Variants in DLG2 observed in about 807,000 individuals in gnomAD.
DLG2 encodes discs large MAGUK scaffold protein 2.
A neutral mutation model predicts 132.5 loss-of-function variants in DLG2; 45 were observed. The ratio of observed to expected loss-of-function variants is 0.34; its 90% CI spans 0.27 to 0.44. DLG2 has a LOEUF of 0.44. Among genes scored for constraint, DLG2 ranks in the 20% least tolerant of loss-of-function variants. The pLI is 1.00. For missense variants in DLG2, 1,045 were observed against 1,196.9 expected (o/e 0.87, Z 1.87); for synonymous variants, 424 against 419.6 (o/e 1.01, Z -0.13).
At chr11:85,272,566 T>G (rs1383311431) in intron 4 of DLG2, among the ~76,000 whole-genome samples, 1 of 152,128 alleles carries the variant, frequency 6.6e-6, no homozygotes, top group African/African-American at 2.4e-5. Context: ...ACAGTCTGCT[T>G]TACTTAGAGC....
chr11:83,680,167 G>A (rs564156597), intron 18 of DLG2, among the ~76,000 whole-genome samples: 2 of 152,142 alleles, frequency 1.3e-5, no homozygotes, highest in South Asian at 4.2e-4. Flanking sequence ...GGAGAAAATA[G>A]AAAAACCACC....
chr11:84,398,693 C>G (rs1017194303), intron 7 of DLG2, among the ~76,000 whole-genome samples: 2 of 152,146 alleles, frequency 1.3e-5, no homozygotes, highest in African/African-American at 2.4e-5. Context: ...ATAAACCACA[C>G]ACTCCAGTGT....
chr11:84,238,151 G>C (rs886766366), intron 8 of DLG2, among the ~76,000 whole-genome samples: 7 of 151,644 alleles, frequency 4.6e-5, no homozygotes, highest in African/African-American at 1.7e-4. Context: ...TGATTTCACA[G>C]AGAAAAATAC....
chr11:85,129,594 G>C (rs184719703), intron 5 of DLG2, among the ~76,000 whole-genome samples: 1 of 152,144 alleles, frequency 6.6e-6, no homozygotes, highest in Non-Finnish European at 1.5e-5. Flanking sequence ...AAATAGGAAC[G>C]CTTTTACACT....
chr11:84,200,285 C>A (rs762059866), intron 8 of DLG2, among the ~76,000 whole-genome samples: 10 of 152,018 alleles, frequency 6.6e-5, no homozygotes, highest in Non-Finnish European at 1.2e-4. Flanking sequence ...CCAAATAAAA[C>A]ACTGAAGAAA....
At chr11:83,704,596 C>T (rs1488950744) in intron 18 of DLG2, among the ~76,000 whole-genome samples, 5 of 149,080 alleles carry the variant, frequency 3.4e-5, no homozygotes, top group Non-Finnish European at 7.4e-5. Flanking sequence ...GCAGGTGGAT[C>T]ACCTGAGGTC....
At chr11:83,758,910 T>C (rs987105452) in intron 18 of DLG2, among the ~76,000 whole-genome samples, 1 of 152,148 alleles carries the variant, frequency 6.6e-6, no homozygotes, top group Non-Finnish European at 1.5e-5. Flanking sequence ...TGCTGAACTT[T>C]TGATGAAGCA....
intron 6 of DLG2, among the ~76,000 whole-genome samples, chr11:84,975,411 A>G (rs554768969): frequency 3.9e-5 from 6 of 152,170 alleles, no homozygotes; most frequent in Non-Finnish European, 7.3e-5. Flanking sequence ...TAGCCGATAC[A>G]TATCTTTTGC....
intron 19 of DLG2, among the ~76,000 whole-genome samples, chr11:83,582,411 T>C (rs2508720): frequency 0.5 from 75,805 of 152,032 alleles, 19,897 homozygotes; most frequent in African/African-American, 0.65. Context: ...AAAAAGACAC[T>C]TTTCACCTCA....
chr11:84,484,933 T>C (rs1603066752), intron 7 of DLG2, among the ~76,000 whole-genome samples: 1 of 152,172 alleles, frequency 6.6e-6, no homozygotes, highest in Non-Finnish European at 1.5e-5. Context: ...TCTAACACTT[T>C]ATTGTACATC....
intron 7 of DLG2, among the ~76,000 whole-genome samples, chr11:84,428,854 T>C (rs961070559): frequency 2.6e-5 from 4 of 152,182 alleles, no homozygotes; most frequent in Admixed American, 1.3e-4. Context: ...TATAAGCTTG[T>C]AATGATATGG....
At chr11:83,534,872 G>A (rs1056024489) in intron 20 of DLG2, among the ~76,000 whole-genome samples, 1 of 152,258 alleles carries the variant, frequency 6.6e-6, no homozygotes, top group African/African-American at 2.4e-5. Context: ...GAACCCGGGA[G>A]GTGGAGGTTG....
chr11:84,896,600 A>G (rs4497430), intron 6 of DLG2, among the ~76,000 whole-genome samples: 14,687 of 152,054 alleles, frequency 0.097, 932 homozygotes, highest in African/African-American at 0.18. Context: ...ATAAAAATGT[A>G]TGATGCATAT....
intron 11 of DLG2, among the ~76,000 whole-genome samples, chr11:84,029,849 T>C (rs1449979884): frequency 6.6e-6 from 1 of 152,184 alleles, no homozygotes; most frequent in Non-Finnish European, 1.5e-5. Context: ...GGAAACAACA[T>C]ACTTAAGGAA....
chr11:84,370,022 C>T lies in DLG2; in HGVS notation c.520-118731G>A, dbSNP rs140434324. 3.3e-3 allele frequency among the ~76,000 whole-genome samples: 509 copies of T among 152,142 alleles called. 3 individuals carry two copies. Among genetic ancestry groups the T allele is most frequent in the African/African-American group, 0.012 (494 of 41,534 alleles). On this transcript the variant is annotated intron_variant, in intron 7 of 27. Transcript: ENST00000376104. ...TTTCCACTAAAACACCACAAATGAACAACATAAATAATTATAATGCTGAAG... is the reference window on the plus strand; with the variant it reads ...TTTCCACTAAAACACCACAAATGAATAACATAAATAATTATAATGCTGAAG...
At position 84,817,453 on chromosome 11, in the gene DLG2, C is replaced by G. The variant is rs558078679; in HGVS notation, c.358-282722G>C. Among the ~76,000 whole-genome samples the G allele has an allele frequency of 1.4e-4, 21 of 151,948 alleles. No homozygotes were observed. The South Asian group carries it at 3.9e-3, about 29-fold the overall frequency. ...ATCCAGGAAGAGCTCTAGATGTGCCCAGCATGAAAGAAAACAAGTGATACA... is the reference window on the plus strand; with the variant it reads ...ATCCAGGAAGAGCTCTAGATGTGCCGAGCATGAAAGAAAACAAGTGATACA... On this transcript the variant is annotated intron_variant, in intron 6 of 27. Coordinates refer to ENST00000376104, the MANE Select transcript of DLG2 (RefSeq NM_001142699.3).
At chr11:85,566,668 C>T (rs1598574156) in intron 3 of DLG2, among the ~76,000 whole-genome samples, 1 of 152,086 alleles carries the variant, frequency 6.6e-6, no homozygotes, top group South Asian at 2.1e-4. Flanking sequence ...CTAATTAACT[C>T]TCACAGGCCC....
chr11:84,092,441 A>G (rs1432667146), intron 10 of DLG2, among the ~76,000 whole-genome samples: 7 of 152,244 alleles, frequency 4.6e-5, no homozygotes, highest in African/African-American at 1.7e-4. Context: ...AAACTGAAGA[A>G]CATAGAGCTT....
At chr11:84,323,732 T>G (rs1191857384) in intron 7 of DLG2, among the ~76,000 whole-genome samples, 1 of 149,450 alleles carries the variant, frequency 6.7e-6, no homozygotes, top group Admixed American at 6.7e-5. Context: ...TTTTTTTTTT[T>G]TTTTTTTTGA....
Sources: gnomAD v4.1 joint callset for allele counts (sites outside exome capture counted in the v4.1 genomes callset) on GRCh38, gnomAD v4.1.1 for gene constraint, MANE v1.5 for transcripts, NCBI Gene and HGNC (gene_info 2026-07-23, HGNC 2026-07-21) for gene names.